CCDC150: variants seen among roughly 807,000 people sequenced by gnomAD.
CCDC150 encodes the protein coiled-coil domain-containing protein 150.
In CCDC150, 151 loss-of-function variants were observed where a neutral mutation model predicts 156.5. The observed-to-expected ratio is 0.97, with a 90% confidence interval of 0.85 to 1.10. The LOEUF (loss-of-function observed/expected upper bound fraction) is 1.10. Ranked by LOEUF, CCDC150 falls within the 50% of genes least tolerant of loss-of-function variation. The pLI is 0.00. For missense variants in CCDC150, 1,312 were observed against 1,268.1 expected (o/e 1.03, Z -0.53); for synonymous variants, 452 against 429.4 (o/e 1.05, Z -0.65).
In CCDC150 at chr2:196,729,942, T is replaced by G; in HGVS notation, c.2821-15T>G. The G allele has an allele frequency of 6.2e-7, 1 of 1,610,770 alleles. No individual in the cohort carries two copies. Among genetic ancestry groups the G allele is most frequent in the Non-Finnish European group, 8.5e-7 (1 of 1,178,496 alleles). Reference sequence around the variant, plus strand: ...AGGGTGTTCACCAAATGTCTCTGTCTTTGTATCCTTCCAGTCTTTGAGTAT... The same window carrying G: ...AGGGTGTTCACCAAATGTCTCTGTCGTTGTATCCTTCCAGTCTTTGAGTAT... On this transcript the variant is annotated splice_polypyrimidine_tract_variant and intron_variant, in intron 24 of 27. Coordinates refer to ENST00000389175, the MANE Select transcript of CCDC150 (RefSeq NM_001080539.2).
chr2:196,694,051 GAT>G (rs1491182982), intron 13 of CCDC150, among the ~76,000 whole-genome samples: 8 of 118,506 alleles, frequency 6.8e-5, no homozygotes, highest in East Asian at 2.8e-4. Context: ...TTTTGTGGAA[GAT>G]TTTTTTTTTT....
intron 2 of CCDC150, among the ~76,000 whole-genome samples, chr2:196,652,697 G>C (rs936952629): frequency 6.6e-5 from 10 of 152,258 alleles, no homozygotes; most frequent in Admixed American, 2.0e-4. Context: ...CAGGTGGACT[G>C]TTTGTGGGGA....
intron 13 of CCDC150, among the ~76,000 whole-genome samples, chr2:196,682,983 C>T (rs1024467690): frequency 8.6e-5 from 13 of 151,996 alleles, no homozygotes; most frequent in African/African-American, 3.1e-4. Context: ...AGTTTCACTT[C>T]TTCCTTTCCA....
chr2:196,728,711 A>G (rs1367047047), intron 22 of CCDC150, among the ~76,000 whole-genome samples: 2 of 152,244 alleles, frequency 1.3e-5, no homozygotes, highest in African/African-American at 4.8e-5. Flanking sequence ...TGCAAGTGAC[A>G]GAGAAGAGCT....
At chr2:196,723,456 C>T (rs1186736862) in intron 21 of CCDC150, among the ~76,000 whole-genome samples, 2 of 152,036 alleles carry the variant, frequency 1.3e-5, no homozygotes, top group African/African-American at 4.8e-5. Flanking sequence ...GCAGTGAGAT[C>T]AGGCCACTGC....
rs565541657 is a variant in CCDC150, at chr2:196,696,324, G to T, written c.1623+1165G>T. Among the ~76,000 whole-genome samples, 8 of 152,078 alleles carry T rather than the reference G, an allele frequency of 5.3e-5. No homozygotes were observed. The South Asian group carries it at 1.7e-3, about 32-fold the overall frequency. ...AAAAAAAGCCTGTAAGTGCCTATTG[G>T]AATGACAAGATCCATTAGCTGTAAT... On this transcript the variant is annotated intron_variant, in intron 14 of 27. Coordinates refer to ENST00000389175, the MANE Select transcript of CCDC150 (RefSeq NM_001080539.2).
intron 17 of CCDC150, among the ~76,000 whole-genome samples, chr2:196,716,160 C>T (rs2125698502): frequency 6.6e-6 from 1 of 152,328 alleles, no homozygotes; most frequent in East Asian, 1.9e-4. Flanking sequence ...GATACTACCA[C>T]ACACCTATTA....
chr2:196,662,479 A>G (rs116919258), intron 5 of CCDC150, among the ~76,000 whole-genome samples: 1 of 152,100 alleles, frequency 6.6e-6, no homozygotes, highest in East Asian at 1.9e-4. Flanking sequence ...TGCAACCTAG[A>G]TCCCTTGCAT....
intron 13 of CCDC150, among the ~76,000 whole-genome samples, chr2:196,685,694 C>T (rs2125633522): frequency 6.6e-6 from 1 of 151,956 alleles, no homozygotes; most frequent in Admixed American, 6.6e-5. Flanking sequence ...TCACTGCAAG[C>T]TCCACCTCCC....
Position 196,726,069 on chromosome 2 carries a change from A to G in CCDC150, c.2526A>G (p.Thr842=), listed in dbSNP as rs377027199. The G allele has an allele frequency of 9.9e-6, 16 of 1,613,078 alleles. No individual in the cohort carries two copies. The Admixed American group carries it at 1.2e-4, about 12-fold the overall frequency. The change falls in exon 22 of 28, where the codon ACA becomes ACG. Residue 842 remains threonine, a synonymous_variant. Coordinates refer to ENST00000389175, the MANE Select transcript of CCDC150 (RefSeq NM_001080539.2). ...AGTTTCAAACCGAGAGAGAAACTAC[A>G]AAGAAAGTGGCACAACGGGAAGTGG... is the stretch of plus-strand genomic sequence containing the variant. The part of the protein sequence containing the change: ...RKQFQTERET[T]KKVAQREVAE...
chr2:196,684,041 GCTTTT>G (rs909500346), intron 13 of CCDC150, among the ~76,000 whole-genome samples: 3 of 151,646 alleles, frequency 2.0e-5, no homozygotes, highest in South Asian at 4.1e-4. Flanking sequence ...GGTTTAATTT[GCTTTT>G]CTTTGTCTAG....
In CCDC150 at chr2:196,676,125, A is replaced by G; in HGVS notation, c.1138-18A>G. 2 of 1,612,654 alleles carry G rather than the reference A, an allele frequency of 1.2e-6. No individual in the cohort carries two copies. Among genetic ancestry groups the G allele is most frequent in the Non-Finnish European group, 1.7e-6 (2 of 1,179,150 alleles). On this transcript the variant is annotated intron_variant, in intron 10 of 27. Coordinates refer to ENST00000389175, the MANE Select transcript of CCDC150 (RefSeq NM_001080539.2). ...ACTTTGTGGAGCTTCAACTTCTAAT[A>G]TTGCTTTTAACACTCAGGTAGAGCA...
chr2:196,720,907 T>C (rs953348888), intron 20 of CCDC150, among the ~76,000 whole-genome samples: 1 of 152,196 alleles, frequency 6.6e-6, no homozygotes. Context: ...TTATATGGTC[T>C]ACATTTTTAT....
chr2:196,644,210 T>G (rs906093966), intron 1 of CCDC150, among the ~76,000 whole-genome samples: 2 of 152,202 alleles, frequency 1.3e-5, no homozygotes, highest in Non-Finnish European at 2.9e-5. Flanking sequence ...GAGGCGAGGC[T>G]GGGGTCATGA....
chr2:196,702,272 T>C (rs954234645), intron 15 of CCDC150, among the ~76,000 whole-genome samples: 2 of 151,012 alleles, frequency 1.3e-5, no homozygotes, highest in African/African-American at 4.9e-5. Context: ...AGGGGGAAAA[T>C]TCCCATGACT....
rs1692884138 is a variant in CCDC150, at chr2:196,651,703, CTT to C, written c.177-4928_177-4927del. ...CTTTTCCCTTGATGCTTTTAAAACT[CTT>C]TGTCTTTAACTTTTGACAATTTGAT... On this transcript the variant is annotated intron_variant, in intron 2 of 27. Coordinates refer to ENST00000389175, the MANE Select transcript of CCDC150 (RefSeq NM_001080539.2). 2.7e-5 allele frequency among the ~76,000 whole-genome samples: 4 copies of C among 150,238 alleles called. No individual in the cohort carries two copies. In the South Asian group the frequency reaches 8.8e-4, roughly 33 times the overall value.
At chr2:196,690,485 AATACAT>A (rs1170967192) in intron 13 of CCDC150, among the ~76,000 whole-genome samples, 1 of 152,198 alleles carries the variant, frequency 6.6e-6, no homozygotes, top group African/African-American at 2.4e-5. Context: ...AATTCATATA[AATACAT>A]ATACATATAA....
At chr2:196,676,774 A>T (rs773450441) in intron 12 of CCDC150, 43 bp downstream of exon 12, 1 of 1,508,130 alleles carries the variant, frequency 6.6e-7, no homozygotes, top group East Asian at 2.3e-5. Flanking sequence ...TTGTGGTGTG[A>T]TGATGTTTTA....
chr2:196,712,181 T>C lies in CCDC150; in HGVS notation c.1732T>C (p.Phe578Leu). Residue 578 changes from phenylalanine (F) to leucine (L), a missense_variant, in exon 16 of 28, where the codon TTT becomes CTT. Transcript: ENST00000389175. ...VKQLEEQVQS[F>L]TDTSLQNDHL... ...ACAGCTAGAAGAACAAGTACAGTCT[T>C]TTACTGACACCAGCTTACAGAATGA... The C allele has an allele frequency of 6.3e-7, 1 of 1,587,768 alleles. No individual in the cohort carries two copies. The highest frequency in any genetic ancestry group is 8.6e-7 in the Non-Finnish European group (1 of 1,164,656).
Sources: allele counts gnomAD v4.1 joint callset (sites outside exome capture counted in the v4.1 genomes callset), GRCh38; gene constraint gnomAD v4.1.1; transcripts MANE v1.5; gene names NCBI Gene and HGNC (gene_info 2026-07-23, HGNC 2026-07-21).